PCDH15: variants seen among roughly 807,000 people sequenced by gnomAD.
The protein encoded by PCDH15 is protocadherin-15.
Under a neutral mutation model 178.5 loss-of-function variants are expected in PCDH15, and 129 were observed. The ratio of observed to expected loss-of-function variants is 0.72; its 90% CI spans 0.63 to 0.84. PCDH15 has a LOEUF of 0.84. Among genes scored for constraint, PCDH15 ranks in the 40% least tolerant of loss-of-function variants. PCDH15 has a pLI of 0.00. For missense variants in PCDH15, 2,230 were observed against 2,099.9 expected (o/e 1.06, Z -1.21); for synonymous variants, 800 against 732.0 (o/e 1.09, Z -1.50).
At chr10:55,247,371 A>G (rs1323106564) in intron 1 of PCDH15, among the ~76,000 whole-genome samples, 1 of 152,176 alleles carries the variant, frequency 6.6e-6, no homozygotes. Flanking sequence ...GGCCTAGTCA[A>G]ACAGGCCATG....
At chr10:54,116,987 G>A (rs2132792684) in intron 15 of PCDH15, among the ~76,000 whole-genome samples, 1 of 152,254 alleles carries the variant, frequency 6.6e-6, no homozygotes, top group Non-Finnish European at 1.5e-5. Context: ...AATTACTGAA[G>A]TACAAGTATC....
chr10:54,791,775 C>T (rs185012351), intron 1 of PCDH15, among the ~76,000 whole-genome samples: 87 of 151,948 alleles, frequency 5.7e-4, no homozygotes, highest in Middle Eastern at 6.8e-3. Flanking sequence ...TTCTGACCAC[C>T]GCACTGCTAA....
intron 2 of PCDH15, among the ~76,000 whole-genome samples, chr10:54,970,010 T>G (rs138936538): frequency 6.6e-6 from 1 of 152,316 alleles, no homozygotes; most frequent in East Asian, 1.9e-4. Flanking sequence ...TGCTGAAATG[T>G]AATCTCCAAT....
chr10:55,569,314 T>A (rs1407444192), intron 2 of PCDH15, among the ~76,000 whole-genome samples: 1 of 152,024 alleles, frequency 6.6e-6, no homozygotes, highest in African/African-American at 2.4e-5. Context: ...AGACCTTTAC[T>A]GCAGATGGAA....
Position 53,956,110 on chromosome 10 carries a change from GT to G in PCDH15, c.3122+3621del, listed in dbSNP as rs76180818. Among the ~76,000 whole-genome samples, 3 of 152,162 alleles carry G rather than the reference GT, an allele frequency of 2.0e-5. No individual in the cohort carries two copies. The East Asian group carries it at 5.8e-4, about 29-fold the overall frequency. ...ATATGATTAATTAATTATGCGATTA[GT>G]TGTTGGAAACTAATAAAATGTTGAA... is the stretch of plus-strand genomic sequence containing the variant. On this transcript the variant is annotated intron_variant, in intron 23 of 37. Transcript: ENST00000644397.
intron 15 of PCDH15, among the ~76,000 whole-genome samples, chr10:54,119,559 C>T (rs1262896067): frequency 3.9e-5 from 6 of 152,068 alleles, no homozygotes; most frequent in South Asian, 4.2e-4. Context: ...AAGAAAACAA[C>T]CTGGAAATTA....
intron 2 of PCDH15, among the ~76,000 whole-genome samples, chr10:54,941,420 A>T (rs916175897): frequency 6.6e-6 from 1 of 151,876 alleles, no homozygotes; most frequent in Non-Finnish European, 1.5e-5. Context: ...CAATTCCAAG[A>T]TTTATTTTTG....
intron 2 of PCDH15, among the ~76,000 whole-genome samples, chr10:55,444,093 A>T (rs549923380): frequency 3.3e-4 from 48 of 144,988 alleles, no homozygotes; most frequent in African/African-American, 1.1e-3. Flanking sequence ...ATGAGAACAT[A>T]TGGGCACAGG....
chr10:54,660,939 T>C (rs1380382785), intron 2 of PCDH15, among the ~76,000 whole-genome samples: 3 of 151,624 alleles, frequency 2.0e-5, no homozygotes, highest in Non-Finnish European at 4.4e-5. Flanking sequence ...CTCAACAAAC[T>C]AGGCATTGAA....
intron 2 of PCDH15, among the ~76,000 whole-genome samples, chr10:55,410,156 T>C (rs540490268): frequency 3.4e-4 from 52 of 152,258 alleles, no homozygotes; most frequent in Middle Eastern, 3.4e-3. Flanking sequence ...CTTACATAAA[T>C]GTTTGTTTTG....
intron 5 of PCDH15, among the ~76,000 whole-genome samples, chr10:54,354,143 G>A (rs763892553): frequency 1.3e-5 from 2 of 152,056 alleles, no homozygotes; most frequent in Non-Finnish European, 2.9e-5. Flanking sequence ...GCGCCACCAC[G>A]CCTGGCTAAT....
intron 2 of PCDH15, among the ~76,000 whole-genome samples, chr10:55,401,594 CTGTGTGTGTGTG>C (rs3074786): frequency 1.7e-4 from 23 of 133,180 alleles, no homozygotes; most frequent in South Asian, 5.2e-4. Context: ...ATTTGCCTTA[CTGTGTGTGTGTG>C]TGTGTGTGTG....
At chr10:55,488,463 C>T (rs1268498593) in intron 2 of PCDH15, among the ~76,000 whole-genome samples, 1 of 151,490 alleles carries the variant, frequency 6.6e-6, no homozygotes, top group Admixed American at 6.6e-5. Flanking sequence ...GGCAGAGGAA[C>T]TGAACTGGAG....
intron 2 of PCDH15, among the ~76,000 whole-genome samples, chr10:55,110,428 T>C (rs1472806207): frequency 1.3e-5 from 2 of 152,072 alleles, no homozygotes; most frequent in African/African-American, 2.4e-5. Flanking sequence ...AAAAGCCGCA[T>C]TGTATTAGTG....
chr10:54,051,049 C>T (rs139757014), intron 18 of PCDH15, among the ~76,000 whole-genome samples: 32 of 152,262 alleles, frequency 2.1e-4, no homozygotes, highest in African/African-American at 7.0e-4. Context: ...CCACCATGAT[C>T]GTAAGTTTCC....
At chr10:55,464,203 C>A (rs963233856) in intron 2 of PCDH15, among the ~76,000 whole-genome samples, 1 of 151,990 alleles carries the variant, frequency 6.6e-6, no homozygotes, top group African/African-American at 2.4e-5. Context: ...ACTAAGTGTA[C>A]TAGGGACATA....
intron 1 of PCDH15, among the ~76,000 whole-genome samples, chr10:55,281,998 G>A (rs1317214861): frequency 1.3e-5 from 2 of 152,080 alleles, no homozygotes; most frequent in Non-Finnish European, 2.9e-5. Flanking sequence ...TAATGAAATA[G>A]CTTCATAACT....
At chr10:54,485,966 G>A (rs1456017627) in intron 3 of PCDH15, among the ~76,000 whole-genome samples, 2 of 151,520 alleles carry the variant, frequency 1.3e-5, no homozygotes, top group Non-Finnish European at 2.9e-5. Flanking sequence ...ATGAAAAGAT[G>A]TTTAAGTAAC....
At chr10:55,408,584 C>T (rs532335778) in intron 2 of PCDH15, among the ~76,000 whole-genome samples, 1 of 152,240 alleles carries the variant, frequency 6.6e-6, no homozygotes, top group African/African-American at 2.4e-5. Flanking sequence ...AAATCAAATA[C>T]TAACTATATT....
Sources: gnomAD v4.1 joint callset for allele counts (sites outside exome capture counted in the v4.1 genomes callset) on GRCh38, gnomAD v4.1.1 for gene constraint, MANE v1.5 for transcripts, NCBI Gene and HGNC (gene_info 2026-07-23, HGNC 2026-07-21) for gene names.